ALK: variants seen among roughly 807,000 people sequenced by gnomAD.
ALK encodes the protein ALK tyrosine kinase receptor.
A neutral mutation model predicts 163.1 loss-of-function variants in ALK; 74 were observed. That is an observed-to-expected ratio of 0.45 (90% CI 0.38 to 0.55). ALK has a LOEUF of 0.55. Ranked by LOEUF, ALK falls within the 20% of genes least tolerant of loss-of-function variation. ALK has a pLI of 0.00. For missense variants in ALK, 2,063 were observed against 2,105.3 expected (o/e 0.98, Z 0.39); for synonymous variants, 960 against 843.2 (o/e 1.14, Z -2.40).
At chr2:29,672,285 C>G (rs1424042384) in intron 3 of ALK, among the ~76,000 whole-genome samples, 1 of 151,700 alleles carries the variant, frequency 6.6e-6, no homozygotes, top group East Asian at 1.9e-4. Flanking sequence ...ACTAACTCGT[C>G]ATCTAGCATT....
At chr2:29,545,542 A>C (rs1006803082) in intron 3 of ALK, among the ~76,000 whole-genome samples, 2 of 152,142 alleles carry the variant, frequency 1.3e-5, no homozygotes, top group Non-Finnish European at 2.9e-5. Context: ...CAACCTGTTC[A>C]CCTTGCAGCT....
intron 19 of ALK, chr2:29,224,714 G>A (rs567682895): frequency 2.3e-5 from 5 of 218,044 alleles, no homozygotes; most frequent in South Asian, 1.8e-4. Flanking sequence ...GTAAATTGCC[G>A]AGCACGTAGT....
intron 1 of ALK, among the ~76,000 whole-genome samples, chr2:29,724,732 T>C (rs1679520787): frequency 6.6e-6 from 1 of 152,262 alleles, no homozygotes; most frequent in African/African-American, 2.4e-5. Context: ...ACATATTTGT[T>C]TCTCTATGGT....
chr2:29,194,224 T>A (rs1250080653), intron 28 of ALK, among the ~76,000 whole-genome samples: 4 of 149,208 alleles, frequency 2.7e-5, no homozygotes, highest in Middle Eastern at 3.4e-3. Flanking sequence ...TTAGTGGATT[T>A]AAAAAAAAAA....
intron 4 of ALK, among the ~76,000 whole-genome samples, chr2:29,459,017 T>C (rs1671023579): frequency 6.6e-6 from 1 of 152,192 alleles, no homozygotes; most frequent in Admixed American, 6.5e-5. Context: ...TTTCAAAATA[T>C]AAGTTCCTGG....
At chr2:29,691,806 C>T (rs753302754) in intron 3 of ALK, among the ~76,000 whole-genome samples, 1 of 152,152 alleles carries the variant, frequency 6.6e-6, no homozygotes, top group African/African-American at 2.4e-5. Context: ...TTTATTGGCA[C>T]TGTTTAAAAA....
intron 3 of ALK, among the ~76,000 whole-genome samples, chr2:29,688,661 T>A (rs1029856141): frequency 6.6e-6 from 1 of 152,128 alleles, no homozygotes; most frequent in African/African-American, 2.4e-5. Context: ...TTGAAACAAG[T>A]GAAAAGAAAG....
chr2:29,315,308 T>C (rs1270250515), intron 8 of ALK, among the ~76,000 whole-genome samples: 1 of 151,976 alleles, frequency 6.6e-6, no homozygotes, highest in Non-Finnish European at 1.5e-5. Context: ...GCCCTGGAAG[T>C]TAGATTGGCA....
chr2:29,297,140 A>T, intron 8 of ALK, 83 bp from the exon 9 acceptor site: 2 of 1,541,296 alleles, frequency 1.3e-6, no homozygotes, highest in Non-Finnish European at 1.8e-6. Context: ...AGTTTCAAGG[A>T]CCTTATAAGA....
chr2:29,579,311 T>C (rs945629286), intron 3 of ALK, among the ~76,000 whole-genome samples: 3 of 152,214 alleles, frequency 2.0e-5, no homozygotes, highest in Non-Finnish European at 2.9e-5. Context: ...TCTTTAAAGA[T>C]GAACTTATTC....
chr2:29,763,085 T>G (rs1003767434), intron 1 of ALK, among the ~76,000 whole-genome samples: 1 of 99,088 alleles, frequency 1.0e-5, no homozygotes, highest in Non-Finnish European at 1.9e-5. Flanking sequence ...AGACTCCATC[T>G]CAAAAAAAAA....
intron 4 of ALK, among the ~76,000 whole-genome samples, chr2:29,483,172 C>T (rs1403694048): frequency 6.6e-6 from 1 of 152,192 alleles, no homozygotes; most frequent in Non-Finnish European, 1.5e-5. Context: ...AAGCATCTCC[C>T]TCTCCCAGAG....
intron 9 of ALK, among the ~76,000 whole-genome samples, chr2:29,291,936 C>T (rs1034222707): frequency 2.6e-5 from 4 of 152,122 alleles, no homozygotes; most frequent in Admixed American, 6.5e-5. Flanking sequence ...AGAATTCTGT[C>T]GGTGATAAAA....
At chr2:29,695,512 C>T (rs764136722) in intron 2 of ALK, among the ~76,000 whole-genome samples, 8 of 152,188 alleles carry the variant, frequency 5.3e-5, no homozygotes, top group African/African-American at 1.9e-4. Context: ...GTAAAACATA[C>T]TGCCTAAGAA....
chr2:29,699,151 G>A (rs1404978288), intron 2 of ALK, among the ~76,000 whole-genome samples: 2 of 152,186 alleles, frequency 1.3e-5, no homozygotes, highest in African/African-American at 4.8e-5. Flanking sequence ...ATTCAGAGGG[G>A]TCTAGGGCTT....
chr2:29,739,240 TA>T (rs57381961), intron 1 of ALK, among the ~76,000 whole-genome samples: 1,786 of 40,288 alleles, frequency 0.044, 42 homozygotes, highest in African/African-American at 0.062. Flanking sequence ...CAGTCTCTCT[TA>T]AAAAAAAAAA....
chr2:29,692,021 G>A (rs1375221005), intron 3 of ALK, among the ~76,000 whole-genome samples: 1 of 152,186 alleles, frequency 6.6e-6, no homozygotes, highest in African/African-American at 2.4e-5. Flanking sequence ...GGAATCTGGA[G>A]ATAGTCCTAG....
intron 9 of ALK, among the ~76,000 whole-genome samples, chr2:29,291,824 A>G (rs1433710478): frequency 6.6e-6 from 1 of 152,172 alleles, no homozygotes; most frequent in Non-Finnish European, 1.5e-5. Context: ...CTCTACACAG[A>G]TAAGAACAAG....
At chr2:29,296,740 T>C (rs188881883) in intron 9 of ALK, 148 bp downstream of exon 9, 809 of 801,050 alleles carry the variant, frequency 1.0e-3, no homozygotes, top group Middle Eastern at 4.0e-3. Flanking sequence ...TGTGTGTGTG[T>C]GCACGTGCGT....
Sources: allele counts gnomAD v4.1 joint callset (sites outside exome capture counted in the v4.1 genomes callset), GRCh38; gene constraint gnomAD v4.1.1; transcripts MANE v1.5; gene names NCBI Gene and HGNC (gene_info 2026-07-23, HGNC 2026-07-21).